The following TRPC4AP variants were observed in gnomAD, a reference collection of about 807,000 sequenced individuals.
TRPC4AP encodes short transient receptor potential channel 4-associated protein.
In TRPC4AP, 45 loss-of-function variants were observed where a neutral mutation model predicts 99.0. The observed-to-expected ratio is 0.45, with a 90% confidence interval of 0.36 to 0.58. The LOEUF (loss-of-function observed/expected upper bound fraction) is 0.58, where lower values mean the gene tolerates loss of function less well. Among genes scored for constraint, TRPC4AP ranks in the 20% least tolerant of loss-of-function variants. The pLI, the probability that TRPC4AP is intolerant of heterozygous loss-of-function variation, is 0.00. For missense variants in TRPC4AP, 879 were observed against 985.3 expected (o/e 0.89, Z 1.44); for synonymous variants, 408 against 385.8 (o/e 1.06, Z -0.67).
At position 35,054,850 on chromosome 20, in the gene TRPC4AP, T is replaced by A; in HGVS notation, c.528+126A>T. 3.8e-6 allele frequency: 3 copies of A among 794,030 alleles called. No homozygotes were observed. In the South Asian group the frequency reaches 5.7e-5, roughly 15 times the overall value. 49.2% of individuals were successfully genotyped at this position (794,030 alleles called of 1,614,324 possible). A position where few individuals can be genotyped will look rare whatever the true frequency, so the allele number is the denominator to read the frequency against. Reference sequence around the variant, plus strand: ...TCCTGATTTTCAGGCACACATAAAATAAGCCCGATTCCCCCACTGTCTGAA... The same window carrying A: ...TCCTGATTTTCAGGCACACATAAAAAAAGCCCGATTCCCCCACTGTCTGAA... On this transcript the variant is annotated intron_variant, in intron 5 of 18. Coordinates refer to ENST00000252015, the MANE Select transcript of TRPC4AP (RefSeq NM_015638.3).
intron 2 of TRPC4AP, among the ~76,000 whole-genome samples, chr20:35,069,751 G>GC (rs1686707333): frequency 6.6e-6 from 1 of 152,096 alleles, no homozygotes; most frequent in South Asian, 2.1e-4. Context: ...GACCAGCCTG[G>GC]CCAACATGGC....
intron 3 of TRPC4AP, among the ~76,000 whole-genome samples, chr20:35,058,968 C>A (rs2083909569): frequency 6.6e-6 from 1 of 152,102 alleles, no homozygotes; most frequent in East Asian, 1.9e-4. Flanking sequence ...GGATTACAGG[C>A]ATGAGCCACC....
chr20:35,071,069 TAAG>T (rs2084300705), intron 2 of TRPC4AP, among the ~76,000 whole-genome samples: 2 of 152,116 alleles, frequency 1.3e-5, no homozygotes, highest in Admixed American at 6.6e-5. Context: ...TAAACAAGTT[TAAG>T]AAGCTATAAT....
chr20:35,007,331 G>A (rs1231474345), intron 14 of TRPC4AP, among the ~76,000 whole-genome samples: 1 of 152,230 alleles, frequency 6.6e-6, no homozygotes, highest in Non-Finnish European at 1.5e-5. Context: ...TCACCCTCCT[G>A]CATGGCCTGG....
chr20:35,085,094 T>C (rs2084801264), intron 1 of TRPC4AP, among the ~76,000 whole-genome samples: 1 of 152,212 alleles, frequency 6.6e-6, no homozygotes, highest in Admixed American at 6.5e-5. Context: ...ATACTGGCTC[T>C]CCTGTTTCCT....
chr20:35,003,096 C>CCCA lies in TRPC4AP; in HGVS notation c.*47_*49dup. On this transcript the variant is annotated 3_prime_UTR_variant, in exon 19 of 19. Coordinates refer to ENST00000252015, the MANE Select transcript of TRPC4AP (RefSeq NM_015638.3). ...ACAGGGCAGGGCGTGTGGCATCGTA[C>CCCA]CCACGCTCACCCACACTGGCCCAGC... is the stretch of plus-strand genomic sequence containing the variant. The CCCA allele has an allele frequency of 6.2e-7, 1 of 1,608,654 alleles. No individual in the cohort carries two copies. The highest frequency in any genetic ancestry group is 8.5e-7 in the Non-Finnish European group (1 of 1,177,354).
In TRPC4AP at chr20:35,021,361, C is replaced by T; in HGVS notation, c.1052-5G>A. 6 of 1,612,800 alleles carry T rather than the reference C, an allele frequency of 3.7e-6. No homozygotes were observed. The highest frequency in any genetic ancestry group is 5.1e-6 in the Non-Finnish European group (6 of 1,179,170). ...GAGGAGGGAACACAATGGAGGCTGA[C>T]ACAGCCACCGGAGACAGGATTGAGT... On this transcript the variant is annotated splice_polypyrimidine_tract_variant and splice_region_variant and intron_variant, in intron 8 of 18. Coordinates refer to ENST00000252015, the MANE Select transcript of TRPC4AP (RefSeq NM_015638.3).
intron 7 of TRPC4AP, 84 bp downstream of exon 7, chr20:35,044,415 AGAAAAG>A: frequency 1.9e-5 from 23 of 1,210,076 alleles, no homozygotes; most frequent in Admixed American, 1.2e-4. Flanking sequence ...AAAAAAAAAA[AGAAAAG>A]AAAAGAAAAA....
chr20:35,077,992 T>A (rs1417697247), intron 2 of TRPC4AP, 54 bp downstream of exon 2: 9 of 1,508,332 alleles, frequency 6.0e-6, no homozygotes, highest in Non-Finnish European at 8.0e-6. Context: ...ACAGCAGACA[T>A]CTTGTGTCAC....
At chr20:35,005,929 C>A in intron 15 of TRPC4AP, 126 bp from the exon 16 acceptor site, 1 of 761,814 alleles carries the variant, frequency 1.3e-6, no homozygotes, top group Non-Finnish European at 2.1e-6. Context: ...GATAGGAAGA[C>A]AGAGGCTCAG....
chr20:35,088,519 T>C (rs749750938), intron 1 of TRPC4AP, among the ~76,000 whole-genome samples: 2 of 152,234 alleles, frequency 1.3e-5, no homozygotes, highest in African/African-American at 2.4e-5. Context: ...GGAAGCCCAG[T>C]CTAATTAACT....
chr20:35,008,093 G>T (rs1301700887), intron 13 of TRPC4AP, among the ~76,000 whole-genome samples: 1 of 152,188 alleles, frequency 6.6e-6, no homozygotes, highest in Non-Finnish European at 1.5e-5. Context: ...GGACCCAGAG[G>T]GCACAGCGGG....
At chr20:35,012,590 G>A (rs2082662520) in intron 11 of TRPC4AP, among the ~76,000 whole-genome samples, 1 of 152,224 alleles carries the variant, frequency 6.6e-6, no homozygotes, top group Non-Finnish European at 1.5e-5. Context: ...AGAAAAATGG[G>A]AGCACACCTC....
intron 2 of TRPC4AP, among the ~76,000 whole-genome samples, chr20:35,075,549 T>C (rs368744787): frequency 6.6e-6 from 1 of 152,252 alleles, no homozygotes. Flanking sequence ...AACTCTGGGT[T>C]GAAAATTCTT....
chr20:35,038,232 T>A (rs997999013), intron 7 of TRPC4AP, among the ~76,000 whole-genome samples: 1 of 151,078 alleles, frequency 6.6e-6, no homozygotes, highest in Non-Finnish European at 1.5e-5. Flanking sequence ...GTGACTTCCA[T>A]CTCCATAAAA....
chr20:35,044,850 G>C, intron 6 of TRPC4AP, 138 bp from the exon 7 acceptor site: 1 of 762,316 alleles, frequency 1.3e-6, no homozygotes, highest in Non-Finnish European at 2.1e-6. Flanking sequence ...GTAACTTGCA[G>C]CTCTGAAACT....
At chr20:35,054,087 C>A (rs567521946) in intron 5 of TRPC4AP, among the ~76,000 whole-genome samples, 18 of 152,230 alleles carry the variant, frequency 1.2e-4, no homozygotes, top group Non-Finnish European at 2.5e-4. Flanking sequence ...CTTCTTCTTT[C>A]TTACCTGCTT....
intron 7 of TRPC4AP, among the ~76,000 whole-genome samples, chr20:35,042,832 T>C (rs191576947): frequency 4.4e-4 from 67 of 152,308 alleles, no homozygotes; most frequent in South Asian, 2.9e-3. Context: ...GTGTTTTGTT[T>C]TTAAGTAATA....
intron 6 of TRPC4AP, 132 bp downstream of exon 6, chr20:35,049,734 C>T: frequency 9.2e-7 from 1 of 1,087,358 alleles, no homozygotes; most frequent in East Asian, 2.7e-5. Context: ...AAGTTTTATA[C>T]TTGAATACAT....
Sources: gnomAD v4.1 joint callset for allele counts (sites outside exome capture counted in the v4.1 genomes callset) on GRCh38, gnomAD v4.1.1 for gene constraint, MANE v1.5 for transcripts, NCBI Gene and HGNC (gene_info 2026-07-23, HGNC 2026-07-21) for gene names.